Variants in CA12 observed in about 807,000 individuals in gnomAD.
CA12 encodes carbonate dehydratase XII.
A neutral mutation model predicts 46.8 loss-of-function variants in CA12; 36 were observed. The ratio of observed to expected loss-of-function variants is 0.77; its 90% CI spans 0.59 to 1.02. The LOEUF (loss-of-function observed/expected upper bound fraction) is 1.02, where lower values mean the gene tolerates loss of function less well. CA12 is among the 50% of genes least tolerant of loss of function. The probability of loss-of-function intolerance (pLI) is 0.00; values close to 1 mark genes in which losing one functional copy is unlikely to be tolerated. For synonymous variants in CA12, 202 were observed against 187.0 expected (o/e 1.08, Z -0.65); for missense variants, 436 against 451.4 (o/e 0.97, Z 0.31).
rs1048550536 is a variant in CA12 at position 63,330,360 on chromosome 15, C to A, written c.875-2230G>T. 6.6e-6 allele frequency among the ~76,000 whole-genome samples: 1 copy of A among 152,198 alleles called. No individual in the cohort carries two copies. Among genetic ancestry groups the A allele is most frequent in the Non-Finnish European group, 1.5e-5 (1 of 68,036 alleles). On this transcript the variant is annotated intron_variant, in intron 8 of 10. Transcript: ENST00000178638. The surrounding 1 kb of genome is among the most constrained non-coding windows in gnomAD (Gnocchi z 4.0). ...CATGGTCCCTGGAATCTTAAAAAAA[C>A]AAACATAATAAACCTAGCCATGGTT...
chr15:63,371,309 C>A (rs556010904), intron 2 of CA12, among the ~76,000 whole-genome samples: 2 of 152,172 alleles, frequency 1.3e-5, no homozygotes, highest in Non-Finnish European at 2.9e-5. Context: ...TTCTTTAAGA[C>A]GGACAATGTA....
chr15:63,381,011 C>CTGTG lies in CA12; in HGVS notation c.85+621_85+624dup, dbSNP rs66492957. 7.0e-3 allele frequency among the ~76,000 whole-genome samples: 1,041 copies of CTGTG among 148,334 alleles called. 8 individuals are homozygous for CTGTG. Among genetic ancestry groups the CTGTG allele is most frequent in the South Asian group, 0.045 (208 of 4,672 alleles). On this transcript the variant is annotated intron_variant, in intron 1 of 10. Transcript: ENST00000178638. The stretch of plus-strand genomic sequence containing the variant: ...TGTTCTAATTACAATCAGAAATATG[C>CTGTG]TGTGTGTGTGTGTGTGTGTGTGTGT...
chr15:63,346,711 T>TG lies in CA12; in HGVS notation c.107-3dup. The TG allele has an allele frequency of 6.2e-7, 1 of 1,614,166 alleles. No individual in the cohort carries two copies. Among genetic ancestry groups the TG allele is most frequent in the Non-Finnish European group, 8.5e-7 (1 of 1,179,970 alleles). ...ACCAGCTATTCTCCCCATCAGGACC[T>TG]GGACACAGAGATCCATGCTCAAGAT... On this transcript the variant is annotated splice_region_variant and splice_polypyrimidine_tract_variant and intron_variant, in intron 2 of 10. Transcript: ENST00000178638.
At chr15:63,336,543 C>CTT (rs71998323) in intron 8 of CA12, among the ~76,000 whole-genome samples, 2,844 of 86,190 alleles carry the variant, frequency 0.033, 98 homozygotes, top group African/African-American at 0.065. Flanking sequence ...TCCAACCTGG[C>CTT]TTTTTTTTTT....
intron 2 of CA12, among the ~76,000 whole-genome samples, chr15:63,359,921 A>G (rs2039340492): frequency 6.6e-6 from 1 of 152,152 alleles, no homozygotes; most frequent in Non-Finnish European, 1.5e-5. Flanking sequence ...TTCTCTGCTG[A>G]AAGTTCTTCA....
intron 2 of CA12, 78 bp from the exon 3 acceptor site, chr15:63,346,787 T>C: frequency 6.8e-7 from 1 of 1,460,850 alleles, no homozygotes; most frequent in Non-Finnish European, 9.6e-7. Flanking sequence ...CTCTGTTCAA[T>C]ACAATTACTC....
At position 63,372,110 on chromosome 15, in the gene CA12, C is replaced by T. The variant is rs974536338; in HGVS notation, c.106+3548G>A. 1.3e-5 allele frequency among the ~76,000 whole-genome samples: 2 copies of T among 152,236 alleles called. No homozygotes were observed. Among genetic ancestry groups the T allele is most frequent in the African/African-American group, 2.4e-5 (1 of 41,464 alleles). On this transcript the variant is annotated intron_variant, in intron 2 of 10. Transcript: ENST00000178638. The surrounding 1 kb of genome is among the most constrained non-coding windows in gnomAD (Gnocchi z 4.5). ...GCCTCCTTCCGGTCATCTTCATCCCCCACAGGGCACATATTCTGATACCTT... is the reference window on the plus strand; with the variant it reads ...GCCTCCTTCCGGTCATCTTCATCCCTCACAGGGCACATATTCTGATACCTT...
rs2039180408 is a variant in CA12 at position 63,348,300 on chromosome 15, G to C, written c.107-1591C>G. Among the ~76,000 whole-genome samples the C allele has an allele frequency of 6.6e-6, 1 of 152,168 alleles. No individual in the cohort carries two copies. Among genetic ancestry groups the C allele is most frequent in the Admixed American group, 6.5e-5 (1 of 15,278 alleles). ...GAGCTCTACTATTCTTATTTTCAAG[G>C]CCTCAAAATAACTCAACTACACCAA... On this transcript the variant is annotated intron_variant, in intron 2 of 10. Transcript: ENST00000178638. This position sits in a 1 kb window ranked among gnomAD's most constrained non-coding sequence, Gnocchi z 4.6.
At chr15:63,359,959 C>G (rs963309039) in intron 2 of CA12, among the ~76,000 whole-genome samples, 1 of 152,236 alleles carries the variant, frequency 6.6e-6, no homozygotes, top group South Asian at 2.1e-4. Context: ...ATATCAAGCT[C>G]TGTCATGTAG....
In CA12 at chr15:63,381,695, G is replaced by A. The variant is rs2039649257; in HGVS notation, c.26C>T (p.Ala9Val). The change falls in exon 1 of 11, where the codon GCG becomes GTG. Residue 9 changes from alanine (A) to valine (V), a missense_variant. Transcript: ENST00000178638. The stretch of plus-strand genomic sequence containing the variant: ...TAAGATCACCAGCAGGAGCACGGCC[G>A]CCGCGTGCAGGCTGCGCCGGGGCAT... MPRRSLHAAAVLLLVILKE... is the reference protein window; with the variant it reads MPRRSLHAVAVLLLVILKE... 6.2e-7 allele frequency: 1 copy of A among 1,608,194 alleles called. No homozygotes were observed. Among genetic ancestry groups the A allele is most frequent in the Non-Finnish European group, 8.5e-7 (1 of 1,177,452 alleles).
chr15:63,364,021 C>T (rs2039401200), intron 2 of CA12, among the ~76,000 whole-genome samples: 1 of 152,008 alleles, frequency 6.6e-6, no homozygotes, highest in Non-Finnish European at 1.5e-5. Context: ...AACCCCATCT[C>T]TACTAAAAAT....
intron 2 of CA12, among the ~76,000 whole-genome samples, chr15:63,364,969 G>A (rs909452509): frequency 6.6e-6 from 1 of 152,182 alleles, no homozygotes; most frequent in South Asian, 2.1e-4. Context: ...TTTGTGTTGC[G>A]ACAGGGTCTC....
intron 2 of CA12, among the ~76,000 whole-genome samples, chr15:63,356,090 A>T (rs966546187): frequency 6.6e-6 from 1 of 152,146 alleles, no homozygotes; most frequent in African/African-American, 2.4e-5. Flanking sequence ...TTCATGGCTT[A>T]ATCTCTTTTT....
Position 63,348,420 on chromosome 15 carries a change from C to T in CA12, c.107-1711G>A, listed in dbSNP as rs1399715589. ...ACAATTATTCAGCTGGGGGCCAAAC[C>T]GAATGCTTTAGGGGCAGCGGGGAGC... On this transcript the variant is annotated intron_variant, in intron 2 of 10. Transcript: ENST00000178638. This position sits in a 1 kb window ranked among gnomAD's most constrained non-coding sequence, Gnocchi z 4.6. Among the ~76,000 whole-genome samples the T allele has an allele frequency of 1.3e-5, 2 of 152,152 alleles. No individual in the cohort carries two copies. The highest frequency in any genetic ancestry group is 1.9e-4 in the East Asian group (1 of 5,188).
chr15:63,328,885 G>C lies in CA12; in HGVS notation c.875-755C>G, dbSNP rs1049538978. ...TTGGCTAATTTTTGTATTTTTAGTA[G>C]AGATGGGGTTTTGCCATGTTGACCA... On this transcript the variant is annotated intron_variant, in intron 8 of 10. Transcript: ENST00000178638. This position sits in a 1 kb window ranked among gnomAD's most constrained non-coding sequence, Gnocchi z 5.9. 1.1e-4 allele frequency among the ~76,000 whole-genome samples: 17 copies of C among 152,104 alleles called. No individual in the cohort carries two copies. Among genetic ancestry groups the C allele is most frequent in the Non-Finnish European group, 5.9e-5 (4 of 68,026 alleles).
chr15:63,343,279 C>CTTT (rs35290345), intron 4 of CA12, among the ~76,000 whole-genome samples: 11,570 of 98,324 alleles, frequency 0.12, 1,205 homozygotes, highest in East Asian at 0.37. Flanking sequence ...TAGAAAGAAT[C>CTTT]TTTTTTTTTT....
chr15:63,354,138 T>G (rs933333172), intron 2 of CA12, among the ~76,000 whole-genome samples: 13 of 152,120 alleles, frequency 8.5e-5, no homozygotes, highest in African/African-American at 2.9e-4. Context: ...TAATAATTGA[T>G]GGATGAGGTC....
At chr15:63,343,533 A>C (rs555639730) in intron 4 of CA12, among the ~76,000 whole-genome samples, 1 of 152,170 alleles carries the variant, frequency 6.6e-6, no homozygotes, top group African/African-American at 2.4e-5. Context: ...CACCCGTCTC[A>C]GCCTCCCAAA....
chr15:63,347,082 G>C (rs1225914476), intron 2 of CA12, among the ~76,000 whole-genome samples: 2 of 152,200 alleles, frequency 1.3e-5, no homozygotes, highest in East Asian at 3.8e-4. Context: ...TCTTGGGGCT[G>C]CCAGGTTGAA....
Sources: allele counts gnomAD v4.1 joint callset (sites outside exome capture counted in the v4.1 genomes callset), GRCh38; gene constraint gnomAD v4.1.1; non-coding constraint Gnocchi (gnomAD v3.1); transcripts MANE v1.5; gene names NCBI Gene and HGNC (gene_info 2026-07-23, HGNC 2026-07-21).